PRKG2: variants seen among roughly 807,000 people sequenced by gnomAD.
PRKG2 encodes the protein protein kinase cGMP-dependent 2, also known as cGMP-dependent protein kinase 2.
In PRKG2, 33 loss-of-function variants were observed where a neutral mutation model predicts 97.2. That is an observed-to-expected ratio of 0.34 (90% confidence interval 0.26 to 0.45). The LOEUF (loss-of-function observed/expected upper bound fraction) is 0.45, where lower values mean the gene tolerates loss of function less well. Among genes scored for constraint, PRKG2 ranks in the 20% least tolerant of loss-of-function variants. The probability of loss-of-function intolerance (pLI) is 1.00; values close to 1 mark genes in which losing one functional copy is unlikely to be tolerated. For synonymous variants in PRKG2, 330 were observed against 321.8 expected, an observed-to-expected ratio of 1.03 and a Z score of -0.27; for missense variants, 638 against 900.0, an observed-to-expected ratio of 0.71 and a Z score of 3.73.
chr4:81,190,043 C>T (rs1452904181), intron 2 of PRKG2, among the ~76,000 whole-genome samples: 6 of 152,138 alleles, frequency 3.9e-5, no homozygotes, highest in Non-Finnish European at 8.8e-5. Context: ...CATCAAGCTA[C>T]CATTGATTTC....
intron 11 of PRKG2, among the ~76,000 whole-genome samples, chr4:81,142,548 G>A (rs1275265973): frequency 6.6e-6 from 1 of 151,980 alleles, no homozygotes; most frequent in Non-Finnish European, 1.5e-5. Context: ...GATAATCATC[G>A]AGAAGAAAAT....
chr4:81,210,358 A>G (rs1254565182), intron 1 of PRKG2, among the ~76,000 whole-genome samples: 1 of 152,172 alleles, frequency 6.6e-6, no homozygotes, highest in African/African-American at 2.4e-5. Context: ...CAATAATAGG[A>G]AAACAAACAA....
At chr4:81,217,425 C>A (rs188395026), upstream of PRKG2, among the ~76,000 whole-genome samples, 329 of 152,250 alleles carry the variant, frequency 2.2e-3, 1 homozygote, top group East Asian at 1.7e-3. Context: ...AACCTAAGTT[C>A]CCTCCCAGCA....
intron 5 of PRKG2, among the ~76,000 whole-genome samples, chr4:81,168,642 T>C (rs569813128): frequency 1.1e-4 from 17 of 152,084 alleles, no homozygotes; most frequent in Admixed American, 3.9e-4. Flanking sequence ...CACAATATGA[T>C]AGCTAATGCA....
rs184694954 is a variant in PRKG2, at chr4:81,120,879, G to A, written c.1777-10268C>T. 2.8e-4 allele frequency among the ~76,000 whole-genome samples: 42 copies of A among 152,266 alleles called. No homozygotes were observed. In the East Asian group the frequency reaches 7.5e-3, roughly 27 times the overall value. On this transcript the variant is annotated intron_variant, in intron 14 of 18. Coordinates refer to ENST00000264399, the MANE Select transcript of PRKG2 (RefSeq NM_006259.3). ...CATCTTTGCCTTATTCCTGATCTTA[G>A]TGGAAAAGTTTCTGGTTTCTCACCA...
At chr4:81,139,866 C>T (rs1747099516) in intron 12 of PRKG2, among the ~76,000 whole-genome samples, 1 of 151,876 alleles carries the variant, frequency 6.6e-6, no homozygotes. Context: ...AGTACTGTTG[C>T]TGTGACTGGG....
chr4:81,118,147 T>C (rs917365407), intron 14 of PRKG2, among the ~76,000 whole-genome samples: 3 of 152,226 alleles, frequency 2.0e-5, no homozygotes, highest in Non-Finnish European at 2.9e-5. Flanking sequence ...ATTTTGTTTT[T>C]TCGCATCTTT....
In PRKG2 at chr4:81,092,417, G is replaced by C. The variant is rs1324820305; in HGVS notation, c.2162C>G (p.Ala721Gly). The C allele has an allele frequency of 6.3e-7, 1 of 1,593,540 alleles. No individual in the cohort carries two copies. The highest frequency in any genetic ancestry group is 1.1e-5 in the South Asian group (1 of 90,304). Residue 721 changes from alanine to glycine, a missense_variant, in exon 18 of 19, where the codon GCA becomes GGA. By Grantham distance (60) the Ala-to-Gly change is moderately conservative (BLOSUM62 0). Transcript: ENST00000264399. ...LNGFNWEGLK[A>G]RSLPSPLQRE... is the part of the protein sequence containing the mutation. The stretch of plus-strand genomic sequence containing the variant: ...TTGCAAAGGTGATGGAAGGCTCCGT[G>C]CTTTCAGTCCCTCCCAATTAAAACC...
chr4:81,136,283 T>C (rs551787463), intron 13 of PRKG2, among the ~76,000 whole-genome samples: 2 of 152,298 alleles, frequency 1.3e-5, no homozygotes, highest in Admixed American at 1.3e-4. Flanking sequence ...TAAATGCACA[T>C]TAAAATTGCC....
chr4:81,092,269 CTT>C (rs915753644), intron 18 of PRKG2, 115 bp downstream of exon 18: 10 of 565,340 alleles, frequency 1.8e-5, no homozygotes, highest in Non-Finnish European at 3.0e-5. Flanking sequence ...ATAAAAACTG[CTT>C]TAAAAAAAAA....
At chr4:81,114,053 G>A (rs144464825) in intron 14 of PRKG2, among the ~76,000 whole-genome samples, 1,605 of 152,158 alleles carry the variant, frequency 0.011, 32 homozygotes, top group African/African-American at 0.037. Context: ...GCGAGATGAA[G>A]GGAAGACTTG....
At chr4:81,169,807 A>T in intron 4 of PRKG2, 39 bp from the exon 5 acceptor site, 2 of 1,300,592 alleles carry the variant, frequency 1.5e-6, no homozygotes, top group Non-Finnish European at 2.1e-6. Context: ...CACTTAGTAC[A>T]ACATTGTGAA....
intron 12 of PRKG2, among the ~76,000 whole-genome samples, chr4:81,139,549 CGAGGTCAG>C (rs1057187735): frequency 3.4e-4 from 51 of 151,566 alleles, no homozygotes; most frequent in Non-Finnish European, 7.2e-4. Flanking sequence ...TGGCAGATCA[CGAGGTCAG>C]GAGATCGAGA....
chr4:81,096,271 G>A (rs1742104677), intron 17 of PRKG2, among the ~76,000 whole-genome samples: 1 of 152,180 alleles, frequency 6.6e-6, no homozygotes, highest in African/African-American at 2.4e-5. Context: ...GCTGGGCATA[G>A]TGGCTCATGC....
intron 6 of PRKG2, among the ~76,000 whole-genome samples, chr4:81,161,126 T>C (rs1276470245): frequency 6.6e-6 from 1 of 152,202 alleles, no homozygotes; most frequent in Admixed American, 6.5e-5. Flanking sequence ...ACCTATTTAC[T>C]TTTCTGGAAT....
At chr4:81,153,598 A>T (rs1748634977) in intron 7 of PRKG2, 46 bp downstream of exon 7, 1 of 1,451,736 alleles carries the variant, frequency 6.9e-7, no homozygotes, top group African/African-American at 1.4e-5. Flanking sequence ...TGGCAAACTG[A>T]TTTAAAATAA....
chr4:81,098,054 T>C (rs1742305023), intron 17 of PRKG2, among the ~76,000 whole-genome samples: 1 of 152,162 alleles, frequency 6.6e-6, no homozygotes, highest in Admixed American at 6.6e-5. Context: ...CCAAAAGAGA[T>C]TAACATTTGT....
rs1323709986 is a variant in PRKG2, at chr4:81,141,304, C to A, written c.1408-635G>T. ...GGGATTATAAGCATGAGCCACCGCACCCAGCCTAAGCTCTATATCTGTACC... is the reference window on the plus strand; with the variant it reads ...GGGATTATAAGCATGAGCCACCGCAACCAGCCTAAGCTCTATATCTGTACC... On this transcript the variant is annotated intron_variant, in intron 11 of 18. Coordinates refer to ENST00000264399, the MANE Select transcript of PRKG2 (RefSeq NM_006259.3). Among the ~76,000 whole-genome samples, 5 of 152,186 alleles carry A rather than the reference C, an allele frequency of 3.3e-5. No homozygotes were observed. In the East Asian group the frequency reaches 9.6e-4, roughly 29 times the overall value.
At chr4:81,172,159 A>G (rs1750540630) in intron 3 of PRKG2, among the ~76,000 whole-genome samples, 2 of 152,064 alleles carry the variant, frequency 1.3e-5, no homozygotes, top group South Asian at 4.1e-4. Flanking sequence ...GCTATTATTA[A>G]TATTATTATT....
Sources: gnomAD v4.1 joint callset for allele counts (sites outside exome capture counted in the v4.1 genomes callset) on GRCh38, gnomAD v4.1.1 for gene constraint, MANE v1.5 for transcripts, NCBI Gene and HGNC (gene_info 2026-07-23, HGNC 2026-07-21) for gene names.